Variants in HACE1 observed in about 807,000 individuals in gnomAD.
HACE1 encodes E3 ubiquitin-protein ligase HACE1.
In HACE1, 73 loss-of-function variants were observed where a neutral mutation model predicts 118.4. The observed-to-expected ratio is 0.62, with a 90% CI of 0.51 to 0.75. The LOEUF is 0.75. Ranked by LOEUF, HACE1 falls within the 30% of genes least tolerant of loss-of-function variation. The pLI is 0.00. For missense variants in HACE1, 749 were observed against 1,102.2 expected (o/e 0.68, Z 4.54); for synonymous variants, 368 against 374.8 (o/e 0.98, Z 0.21).
chr6:104,756,317 CAGG>C (rs1404161889), intron 19 of HACE1, among the ~76,000 whole-genome samples: 2 of 150,174 alleles, frequency 1.3e-5, no homozygotes, highest in Non-Finnish European at 3.0e-5. Flanking sequence ...GAGGCTGAGG[CAGG>C]AGAATTTCTT....
At chr6:104,732,939 A>G (rs1022407628) in intron 22 of HACE1, among the ~76,000 whole-genome samples, 11 of 152,362 alleles carry the variant, frequency 7.2e-5, no homozygotes, top group Non-Finnish European at 1.6e-4. Flanking sequence ...TCTTGCTTAT[A>G]AGACACTAAT....
At chr6:104,786,340 CAA>C (rs1221098277) in intron 11 of HACE1, 26 of 63,708 alleles carry the variant, frequency 4.1e-4, no homozygotes, top group Non-Finnish European at 2.9e-4. Flanking sequence ...GACTCCATCT[CAA>C]AAAAAAAAAA....
intron 6 of HACE1, among the ~76,000 whole-genome samples, chr6:104,812,254 CT>C (rs2114976591): frequency 6.6e-6 from 1 of 152,158 alleles, no homozygotes; most frequent in East Asian, 1.9e-4. Context: ...CCAGTTTAGT[CT>C]ACATAGTGAG....
chr6:104,779,692 A>G (rs141092108), intron 14 of HACE1, among the ~76,000 whole-genome samples: 75 of 152,300 alleles, frequency 4.9e-4, no homozygotes, highest in Non-Finnish European at 7.5e-4. Flanking sequence ...CTTTGAAGTC[A>G]GATAAACATG....
chr6:104,859,615 G>A lies in HACE1; in HGVS notation c.28C>T (p.Arg10Cys). The change falls in exon 1 of 24, where the codon CGC becomes TGC. Residue 10 changes from arginine to cysteine, a missense_variant. Physicochemically the swap from Arg to Cys is radical, Grantham distance 180 (BLOSUM62 -3). Coordinates refer to ENST00000262903, the MANE Select transcript of HACE1 (RefSeq NM_020771.4). Reference protein sequence around the residue: MERAMEQLNRLTRSLRRART... With the variant: MERAMEQLNCLTRSLRRART... The stretch of plus-strand genomic sequence containing the variant: ...GCGCGGCGCAGCGAGCGCGTCAGGC[G>A]GTTGAGTTGCTCCATCGCTCTCTCC... The A allele has an allele frequency of 2.0e-6, 3 of 1,531,856 alleles. No individual in the cohort carries two copies. Among genetic ancestry groups the A allele is most frequent in the Non-Finnish European group, 2.6e-6 (3 of 1,143,000 alleles). 94.9% of individuals were successfully genotyped at this position (1,531,856 alleles called of 1,614,324 possible). A position where few individuals can be genotyped will look rare whatever the true frequency, so the allele number is the denominator to read the frequency against.
At chr6:104,764,782 A>AT (rs746938746) in intron 19 of HACE1, among the ~76,000 whole-genome samples, 6 of 152,152 alleles carry the variant, frequency 3.9e-5, no homozygotes, top group South Asian at 2.1e-4. Flanking sequence ...CTGAAGGTAT[A>AT]TTTTTTTGCA....
In HACE1 at chr6:104,796,683, G is replaced by A. The variant is rs755063992; in HGVS notation, c.788C>T (p.Thr263Ile). Reference sequence around the variant, plus strand: ...GTTTTCTCGGAGGTCTTCATTCTGTGTCATTTGAATAATAGTCTGAAAAAG... The same window carrying A: ...GTTTTCTCGGAGGTCTTCATTCTGTATCATTTGAATAATAGTCTGAAAAAG... Reference protein sequence around the residue: ...PRLFQTIIQMTQNEDLRENML... With the variant: ...PRLFQTIIQMIQNEDLRENML... Residue 263 changes from threonine to isoleucine, a missense_variant, in exon 9 of 24, where the codon ACA (threonine) becomes ATA (isoleucine). Around this residue, in one of 5 missense-constraint regions of HACE1, gnomAD observed 267 missense variants for 312.2 expected, o/e 0.86. Coordinates refer to ENST00000262903, the MANE Select transcript of HACE1 (RefSeq NM_020771.4). 2.6e-6 allele frequency: 4 copies of A among 1,568,066 alleles called. No homozygotes were observed. Among genetic ancestry groups the A allele is most frequent in the South Asian group, 2.2e-5 (2 of 90,024 alleles).
chr6:104,850,201 CA>C (rs896320046), intron 3 of HACE1, among the ~76,000 whole-genome samples: 1 of 152,176 alleles, frequency 6.6e-6, no homozygotes, highest in African/African-American at 2.4e-5. Flanking sequence ...CTACCCACCT[CA>C]GCCTCCAAAA....
At chr6:104,820,607 A>G (rs1241390861) in intron 6 of HACE1, among the ~76,000 whole-genome samples, 1 of 152,250 alleles carries the variant, frequency 6.6e-6, no homozygotes, top group Non-Finnish European at 1.5e-5. Flanking sequence ...ATCACTGATC[A>G]TTAGAGAAAT....
rs987733400 is a variant in HACE1 at position 104,728,335 on chromosome 6, A to G, written c.*1327T>C. 5 of 152,334 alleles carry G rather than the reference A, an allele frequency of 3.3e-5. No homozygotes were observed. The highest frequency in any genetic ancestry group is 3.4e-3 in the Middle Eastern group (1 of 294). The allele number at this position is 152,334 out of a possible 1,614,324, so 9.4% of individuals were successfully genotyped here. A position where few individuals can be genotyped will look rare whatever the true frequency, so the allele number is the denominator to read the frequency against. Reference sequence around the variant, plus strand: ...TATTAGCTTCAGTTACTATAAATAAAGCATCCGAATCTTAATTTTAGAGCT... The same window carrying G: ...TATTAGCTTCAGTTACTATAAATAAGGCATCCGAATCTTAATTTTAGAGCT... On this transcript the variant is annotated 3_prime_UTR_variant, in exon 24 of 24. Coordinates refer to ENST00000262903, the MANE Select transcript of HACE1 (RefSeq NM_020771.4).
chr6:104,752,326 G>A (rs1778150744), intron 19 of HACE1, among the ~76,000 whole-genome samples: 1 of 152,030 alleles, frequency 6.6e-6, no homozygotes, highest in African/African-American at 2.4e-5. Context: ...GTCCAACCCG[G>A]GAAATAACAT....
chr6:104,789,777 T>C (rs1170500991), intron 11 of HACE1, among the ~76,000 whole-genome samples: 1 of 152,178 alleles, frequency 6.6e-6, no homozygotes, highest in Non-Finnish European at 1.5e-5. Flanking sequence ...TATTCATCAT[T>C]ACTGATGAGT....
intron 6 of HACE1, among the ~76,000 whole-genome samples, chr6:104,815,214 G>C (rs766913612): frequency 5.1e-5 from 7 of 137,724 alleles, no homozygotes; most frequent in Non-Finnish European, 6.2e-5. Context: ...AGGCTGAGGT[G>C]ATCTCAGATG....
intron 22 of HACE1, among the ~76,000 whole-genome samples, chr6:104,741,780 T>C (rs62419342): frequency 0.22 from 31,690 of 145,584 alleles, 3,540 homozygotes; most frequent in African/African-American, 0.27. Context: ...AAGCTACCAA[T>C]GACTTTCTTC....
chr6:104,771,704 TG>T (rs1331100305), intron 18 of HACE1, among the ~76,000 whole-genome samples: 2 of 83,364 alleles, frequency 2.4e-5, no homozygotes, highest in Admixed American at 1.3e-4. Context: ...ACACAAAAAT[TG>T]AAAAAAAAAA....
chr6:104,733,134 G>C (rs533884042), intron 22 of HACE1, among the ~76,000 whole-genome samples: 1 of 152,060 alleles, frequency 6.6e-6, no homozygotes, highest in Admixed American at 6.5e-5. Context: ...CTATGATGTC[G>C]AATTTCAAAT....
chr6:104,741,418 A>C (rs1182424640), intron 22 of HACE1, among the ~76,000 whole-genome samples: 10 of 151,554 alleles, frequency 6.6e-5, no homozygotes, highest in South Asian at 6.3e-4. Flanking sequence ...ACCCCATTGT[A>C]TCAGCCCCAA....
At chr6:104,810,412 T>C (rs1320737113) in intron 7 of HACE1, among the ~76,000 whole-genome samples, 6 of 151,622 alleles carry the variant, frequency 4.0e-5, no homozygotes, top group Non-Finnish European at 1.5e-5. Context: ...TAAAATGATA[T>C]AAAACAGAAA....
chr6:104,798,982 A>G (rs1769997306), intron 7 of HACE1, among the ~76,000 whole-genome samples: 1 of 152,200 alleles, frequency 6.6e-6, no homozygotes, highest in African/African-American at 2.4e-5. Flanking sequence ...GTCTTATAGC[A>G]TGTACTCAAT....
Sources: allele counts gnomAD v4.1 joint callset (sites outside exome capture counted in the v4.1 genomes callset), GRCh38; gene constraint gnomAD v4.1.1; regional missense constraint gnomAD v4.1.1; transcripts MANE v1.5; gene names NCBI Gene and HGNC (gene_info 2026-07-23, HGNC 2026-07-21).